ZNF462: variants seen among roughly 807,000 people sequenced by gnomAD.
ZNF462 encodes the protein zinc finger protein 462, also known as zinc finger PBX1-interacting protein.
In ZNF462, 10 loss-of-function variants were observed where a neutral mutation model predicts 201.9. That is an observed-to-expected ratio of 0.05 (90% CI 0.03 to 0.08). ZNF462 has a LOEUF of 0.08. Ranked by LOEUF, ZNF462 falls within the 10% of genes least tolerant of loss-of-function variation. ZNF462 has a pLI of 1.00. For synonymous variants in ZNF462, 1,227 were observed against 1,193.3 expected (o/e 1.03, Z -0.58); for missense variants, 2,523 against 3,168.3 (o/e 0.80, Z 4.89).
chr9:106,972,951 G>A lies in ZNF462; in HGVS notation c.6695+679G>A, dbSNP rs1826706197. ...AGCGTTTAGGTTAGTGGTTACAAGT[G>A]TAGAGTGTGGAGCCTGACTACCTGG... On this transcript the variant is annotated intron_variant, in intron 8 of 12. Coordinates refer to ENST00000277225, the MANE Select transcript of ZNF462 (RefSeq NM_021224.6). This position sits in a 1 kb window ranked among gnomAD's most constrained non-coding sequence, Gnocchi z 4.8. 1.3e-5 allele frequency among the ~76,000 whole-genome samples: 2 copies of A among 152,192 alleles called. No individual in the cohort carries two copies.
chr9:106,950,693 A>G lies in ZNF462; in HGVS notation c.6427+11586A>G, dbSNP rs185017151. Among the ~76,000 whole-genome samples, 65 of 152,318 alleles carry G rather than the reference A, an allele frequency of 4.3e-4. No homozygotes were observed. The highest frequency in any genetic ancestry group is 3.4e-3 in the Middle Eastern group (1 of 294). ...ATCAGTTCTGTGTGTTGTTCTGTGG[A>G]CAATAAAATAAGATCATTTTTGCTA... On this transcript the variant is annotated intron_variant, in intron 7 of 12. Transcript: ENST00000277225. This position sits in a 1 kb window ranked among gnomAD's most constrained non-coding sequence, Gnocchi z 4.1.
chr9:107,006,014 G>A lies in ZNF462; in HGVS notation c.7189+2588G>A, dbSNP rs572487820. Among the ~76,000 whole-genome samples, 16 of 152,162 alleles carry A rather than the reference G, an allele frequency of 1.1e-4. No homozygotes were observed. The East Asian group carries it at 3.1e-3, about 29-fold the overall frequency. On this transcript the variant is annotated intron_variant, in intron 11 of 12. Transcript: ENST00000277225. This position sits in a 1 kb window ranked among gnomAD's most constrained non-coding sequence, Gnocchi z 4.3. The stretch of plus-strand genomic sequence containing the variant: ...CTGTGAATGTGTGGATTTATTTCTG[G>A]GCTCTCTATTCTGTTCTGTTGGTCT...
chr9:106,942,355 C>T (rs1179208426), intron 7 of ZNF462, among the ~76,000 whole-genome samples: 1 of 152,194 alleles, frequency 6.6e-6, no homozygotes, highest in Non-Finnish European at 1.5e-5. Flanking sequence ...GGAGATTTCA[C>T]TCCAGCTGCC....
chr9:106,922,946 G>T (rs181879003), intron 1 of ZNF462, among the ~76,000 whole-genome samples: 1 of 152,258 alleles, frequency 6.6e-6, no homozygotes, highest in African/African-American at 2.4e-5. Flanking sequence ...TCTTCTGTGT[G>T]GACATCCTCT....
rs917405837 is a variant in ZNF462 at position 106,970,055 on chromosome 9, A to G, written c.6428-1950A>G. Among the ~76,000 whole-genome samples the G allele has an allele frequency of 6.6e-6, 1 of 152,240 alleles. No homozygotes were observed. Among genetic ancestry groups the G allele is most frequent in the African/African-American group, 2.4e-5 (1 of 41,476 alleles). ...CCATGAAATGGTAAACAAACCTGCT[A>G]TTGAATGAGAAGAATGAAAAGTTGA... On this transcript the variant is annotated intron_variant, in intron 7 of 12. Coordinates refer to ENST00000277225, the MANE Select transcript of ZNF462 (RefSeq NM_021224.6). The surrounding 1 kb of genome is among the most constrained non-coding windows in gnomAD (Gnocchi z 4.2).
chr9:106,991,480 A>G (rs1437726719), intron 10 of ZNF462, among the ~76,000 whole-genome samples: 5 of 151,962 alleles, frequency 3.3e-5, no homozygotes, highest in Non-Finnish European at 7.4e-5. Flanking sequence ...TCATGTACAG[A>G]TTCAACATAA....
At chr9:106,922,020 G>A (rs1051858841) in intron 1 of ZNF462, among the ~76,000 whole-genome samples, 2 of 152,180 alleles carry the variant, frequency 1.3e-5, no homozygotes, top group Non-Finnish European at 2.9e-5. Context: ...TTTAGCAGGC[G>A]ATCAGGAGGA....
chr9:106,863,809 A>G lies in ZNF462; in HGVS notation c.-31+454A>G, dbSNP rs561608612. ...CGGATGCTCCGAGTGTGGGGACAGG[A>G]GTAGGGACAGAGGGGGGCGGAGGGC... On this transcript the variant is annotated intron_variant, in intron 1 of 12. Coordinates refer to ENST00000277225, the MANE Select transcript of ZNF462 (RefSeq NM_021224.6). Among the ~76,000 whole-genome samples, 4 of 137,690 alleles carry G rather than the reference A, an allele frequency of 2.9e-5. No homozygotes were observed. The Admixed American group carries it at 2.9e-4, about 10-fold the overall frequency. 90.3% of individuals were successfully genotyped at this position (137,690 alleles called of 152,430 possible).
chr9:106,914,477 G>A (rs1031036565), intron 1 of ZNF462, among the ~76,000 whole-genome samples: 2 of 152,222 alleles, frequency 1.3e-5, no homozygotes, highest in East Asian at 1.9e-4. Context: ...ATTACCGCTC[G>A]TTGGGACTAC....
At chr9:106,946,611 C>T (rs1355909549) in intron 7 of ZNF462, among the ~76,000 whole-genome samples, 1 of 152,120 alleles carries the variant, frequency 6.6e-6, no homozygotes. Flanking sequence ...AATCCTGCAA[C>T]AGCCTTGCTA....
Position 107,009,271 on chromosome 9 carries a change from C to A in ZNF462, c.7190-274C>A. The A allele has an allele frequency of 2.4e-6, 1 of 412,754 alleles. No homozygotes were observed. The highest frequency in any genetic ancestry group is 4.3e-6 in the Non-Finnish European group (1 of 230,416). 25.6% of individuals were successfully genotyped at this position (412,754 alleles called of 1,614,324 possible). A position where few individuals can be genotyped will look rare whatever the true frequency, so the allele number is the denominator to read the frequency against. On this transcript the variant is annotated intron_variant, in intron 11 of 12. Transcript: ENST00000277225. This position sits in a 1 kb window ranked among gnomAD's most constrained non-coding sequence, Gnocchi z 6.1. ...CCTTTGGAATCTCGGGCAAGCGGCT[C>A]TTCAGTCAAGAAAGACCCAGATTTT...
chr9:106,986,058 C>G (rs2132296556), intron 10 of ZNF462, among the ~76,000 whole-genome samples: 1 of 152,272 alleles, frequency 6.6e-6, no homozygotes, highest in South Asian at 2.1e-4. Flanking sequence ...TACGTAACTA[C>G]CTCAGACCTT....
chr9:106,933,193 A>G lies in ZNF462; in HGVS notation c.6116+644A>G, dbSNP rs1830493410. 1 of 154,958 alleles carries G rather than the reference A, an allele frequency of 6.5e-6. No individual in the cohort carries two copies. Among genetic ancestry groups the G allele is most frequent in the Non-Finnish European group, 1.4e-5 (1 of 69,778 alleles). The allele number at this position is 154,958 out of a possible 1,614,324, so 9.6% of individuals were successfully genotyped here. ...CTTTCAGCCGTGTAAAAGAGAGATA[A>G]ATATTCAATAATGCGTTTGGACAGT... On this transcript the variant is annotated intron_variant, in intron 5 of 12. Transcript: ENST00000277225. This position sits in a 1 kb window ranked among gnomAD's most constrained non-coding sequence, Gnocchi z 4.3.
chr9:106,873,186 G>A (rs1827671896), intron 1 of ZNF462, among the ~76,000 whole-genome samples: 1 of 152,132 alleles, frequency 6.6e-6, no homozygotes, highest in Non-Finnish European at 1.5e-5. Context: ...GAGAATAATG[G>A]AAAATTAATT....
At chr9:106,922,837 C>T (rs1830041288) in intron 1 of ZNF462, among the ~76,000 whole-genome samples, 1 of 152,174 alleles carries the variant, frequency 6.6e-6, no homozygotes, top group Non-Finnish European at 1.5e-5. Flanking sequence ...AATGCTCTAC[C>T]TCCACCCCCA....
At chr9:106,915,887 A>C (rs1376519506) in intron 1 of ZNF462, among the ~76,000 whole-genome samples, 1 of 152,220 alleles carries the variant, frequency 6.6e-6, no homozygotes, top group African/African-American at 2.4e-5. Context: ...TTAGGTAATC[A>C]GTTTTGTCTG....
At chr9:106,948,977 T>C (rs1268646494) in intron 7 of ZNF462, among the ~76,000 whole-genome samples, 1 of 152,158 alleles carries the variant, frequency 6.6e-6, no homozygotes, top group African/African-American at 2.4e-5. Context: ...TCCTCAAAAA[T>C]TACTCAAGTA....
chr9:106,917,890 ATTTT>A lies in ZNF462; in HGVS notation c.-30-5463_-30-5460del, dbSNP rs1401147334. ...TATTTATTTATTTATTTATTTATTT[ATTTT>A]GTGACAGAGTCTCACTCTGCCACCC... On this transcript the variant is annotated intron_variant, in intron 1 of 12. Coordinates refer to ENST00000277225, the MANE Select transcript of ZNF462 (RefSeq NM_021224.6). This position sits in a 1 kb window ranked among gnomAD's most constrained non-coding sequence, Gnocchi z 4.5. Among the ~76,000 whole-genome samples, 4 of 147,432 alleles carry A rather than the reference ATTTT, an allele frequency of 2.7e-5. No individual in the cohort carries two copies. Among genetic ancestry groups the A allele is most frequent in the Admixed American group, 6.7e-5 (1 of 14,822 alleles).
In ZNF462 at chr9:106,928,439, C is replaced by T; in HGVS notation, c.4527C>T (p.Ile1509=). 6.2e-7 allele frequency: 1 copy of T among 1,614,178 alleles called. No individual in the cohort carries two copies. The highest frequency in any genetic ancestry group is 1.1e-5 in the South Asian group (1 of 91,080). Residue 1509 remains isoleucine, a synonymous_variant, in exon 3 of 13, where the codon ATC becomes ATT. Coordinates refer to ENST00000277225, the MANE Select transcript of ZNF462 (RefSeq NM_021224.6). This position sits in a 1 kb window ranked among gnomAD's most constrained non-coding sequence, Gnocchi z 9.3. The stretch of plus-strand genomic sequence containing the variant: ...CTGACTTTGCCCAGGACATTGACAT[C>T]AACCCAGGTGCCGTCTACAAATGCA... ...KAADFAQDID[I]NPGAVYKCRH...
Sources: gnomAD v4.1 joint callset for allele counts (sites outside exome capture counted in the v4.1 genomes callset) on GRCh38, gnomAD v4.1.1 for gene constraint, Gnocchi (gnomAD v3.1) non-coding constraint, MANE v1.5 for transcripts, NCBI Gene and HGNC (gene_info 2026-07-23, HGNC 2026-07-21) for gene names.